The following NRXN3 variants were observed in gnomAD, a reference collection of about 807,000 sequenced individuals.
The protein encoded by NRXN3 is neurexin 3, also known as neurexin III.
NRXN3 carries 32 observed loss-of-function variants against 137.6 expected under a neutral mutation model. That is an observed-to-expected ratio of 0.23 (90% CI 0.18 to 0.31). NRXN3 has a LOEUF of 0.31. Among genes scored for constraint, NRXN3 ranks in the 10% least tolerant of loss-of-function variants. The pLI is 1.00. For synonymous variants in NRXN3, 798 were observed against 784.5 expected (o/e 1.02, Z -0.29); for missense variants, 1,574 against 2,062.5 (o/e 0.76, Z 4.59).
intron 4 of NRXN3, among the ~76,000 whole-genome samples, chr14:78,389,000 C>T (rs1317346209): frequency 1.3e-5 from 2 of 150,476 alleles, no homozygotes; most frequent in Admixed American, 6.6e-5. Flanking sequence ...TGCTCTTTGA[C>T]GTCAACTTCT....
At chr14:78,688,533 G>A (rs1285220036) in intron 6 of NRXN3, among the ~76,000 whole-genome samples, 1 of 152,108 alleles carries the variant, frequency 6.6e-6, no homozygotes, top group Non-Finnish European at 1.5e-5. Flanking sequence ...GTGTGGAATT[G>A]ATGAAAATGG....
At chr14:78,636,320 G>A (rs1314692081) in intron 4 of NRXN3, among the ~76,000 whole-genome samples, 1 of 152,014 alleles carries the variant, frequency 6.6e-6, no homozygotes, top group Non-Finnish European at 1.5e-5. Context: ...TTCCATAAGG[G>A]CAGAGTTTAC....
At chr14:79,358,607 G>GAAAGAAAGAA (rs10667477) in intron 15 of NRXN3, among the ~76,000 whole-genome samples, 99 of 79,982 alleles carry the variant, frequency 1.2e-3, no homozygotes, top group Admixed American at 1.3e-3. Context: ...AAGAAAGAAA[G>GAAAGAAAGAA]AGAAAGAAAG....
chr14:79,296,076 T>G (rs372732271), intron 15 of NRXN3, among the ~76,000 whole-genome samples: 2 of 152,272 alleles, frequency 1.3e-5, no homozygotes, highest in South Asian at 2.1e-4. Flanking sequence ...AACATTGCAT[T>G]GCTGTTATTT....
intron 4 of NRXN3, among the ~76,000 whole-genome samples, chr14:78,644,332 CTAGTTCTGTGGGGAAGGA>C (rs937812310): frequency 6.6e-6 from 1 of 151,984 alleles, no homozygotes; most frequent in African/African-American, 2.4e-5. Context: ...CCATGGAACT[CTAGTTCTGTGGGGAAGGA>C]TAGTTCTGTG....
intron 15 of NRXN3, among the ~76,000 whole-genome samples, chr14:79,175,986 T>G (rs1298539244): frequency 3.9e-5 from 6 of 152,212 alleles, no homozygotes. Flanking sequence ...GAGGTGTTGT[T>G]GCTTCCTTTA....
intron 4 of NRXN3, among the ~76,000 whole-genome samples, chr14:78,629,052 A>C (rs1052037641): frequency 2.2e-4 from 33 of 152,216 alleles, no homozygotes; most frequent in African/African-American, 8.0e-4. Flanking sequence ...AGATTCTATG[A>C]AACATTAATA....
intron 15 of NRXN3, among the ~76,000 whole-genome samples, chr14:79,256,724 C>T (rs757757808): frequency 3.9e-5 from 6 of 152,172 alleles, no homozygotes; most frequent in East Asian, 1.9e-4. Flanking sequence ...GGCTTTCTCT[C>T]GGGTCACAAT....
intron 8 of NRXN3, among the ~76,000 whole-genome samples, chr14:78,749,769 C>G (rs78448332): frequency 1.2e-3 from 187 of 152,292 alleles, no homozygotes; most frequent in East Asian, 9.7e-3. Flanking sequence ...CACTTTTCCT[C>G]CAACTTTGTT....
chr14:79,467,977 C>A (rs1203430019), intron 16 of NRXN3, among the ~76,000 whole-genome samples: 1 of 152,162 alleles, frequency 6.6e-6, no homozygotes, highest in African/African-American at 2.4e-5. Flanking sequence ...TTTAGTGACC[C>A]CTGTCCTAGG....
chr14:78,833,555 A>G (rs1220827311), intron 10 of NRXN3, among the ~76,000 whole-genome samples: 1 of 152,180 alleles, frequency 6.6e-6, no homozygotes, highest in East Asian at 1.9e-4. Flanking sequence ...TTTAATAAGA[A>G]AAGCATCAAA....
chr14:79,469,983 CA>C (rs2096479524), intron 16 of NRXN3, among the ~76,000 whole-genome samples: 1 of 152,124 alleles, frequency 6.6e-6, no homozygotes, highest in African/African-American at 2.4e-5. Context: ...ATCAGGGAAA[CA>C]AAGCCATAAA....
intron 15 of NRXN3, among the ~76,000 whole-genome samples, chr14:79,169,813 G>A (rs565311717): frequency 1.3e-5 from 2 of 152,110 alleles, no homozygotes; most frequent in Admixed American, 6.6e-5. Context: ...GCCCAGGTAA[G>A]GAAGAAGAAT....
At chr14:78,842,226 C>T (rs2099014542) in intron 10 of NRXN3, among the ~76,000 whole-genome samples, 1 of 151,938 alleles carries the variant, frequency 6.6e-6, no homozygotes, top group African/African-American at 2.4e-5. Flanking sequence ...CAAAATTCAC[C>T]CCCAATATTT....
intron 19 of NRXN3, among the ~76,000 whole-genome samples, chr14:79,763,060 C>A (rs988456270): frequency 1.3e-5 from 2 of 151,010 alleles, no homozygotes; most frequent in South Asian, 4.2e-4. Flanking sequence ...GATGTTCCCC[C>A]CTCCCTGTGT....
chr14:78,849,272 G>GAT (rs2152478108), intron 10 of NRXN3, among the ~76,000 whole-genome samples: 1 of 152,168 alleles, frequency 6.6e-6, no homozygotes, highest in South Asian at 2.1e-4. Context: ...TTTAGACTCA[G>GAT]ATACACAAAC....
chr14:78,792,675 A>G (rs752906384), intron 8 of NRXN3, among the ~76,000 whole-genome samples: 17 of 152,220 alleles, frequency 1.1e-4, no homozygotes, highest in Non-Finnish European at 2.4e-4. Flanking sequence ...TTAAAATAAT[A>G]TCCTTAAGGC....
intron 6 of NRXN3, chr14:78,698,077 T>C (rs1489152425): frequency 6.6e-6 from 1 of 151,350 alleles, no homozygotes; most frequent in Non-Finnish European, 1.5e-5. Flanking sequence ...TTGTATAAAT[T>C]AGTGGGCTTG....
At chr14:79,845,272 T>G (rs2099364676) in intron 20 of NRXN3, among the ~76,000 whole-genome samples, 1 of 152,226 alleles carries the variant, frequency 6.6e-6, no homozygotes, top group African/African-American at 2.4e-5. Flanking sequence ...TTCGGGTATT[T>G]ACTGGAACAA....
Sources: gnomAD v4.1 joint callset for allele counts (sites outside exome capture counted in the v4.1 genomes callset) on GRCh38, gnomAD v4.1.1 for gene constraint, MANE v1.5 for transcripts, NCBI Gene and HGNC (gene_info 2026-07-23, HGNC 2026-07-21) for gene names.